Variants in EYS observed in about 807,000 individuals in gnomAD.
EYS encodes the protein protein eyes shut homolog.
In EYS, 250 loss-of-function variants were observed where a neutral mutation model predicts 282.1. The ratio of observed to expected loss-of-function variants is 0.89; its 90% CI spans 0.80 to 0.98. The LOEUF is 0.98. EYS is among the 50% of genes least tolerant of loss of function. EYS has a pLI of 0.00. For missense variants in EYS, 4,016 were observed against 3,709.0 expected (o/e 1.08, Z -2.15); for synonymous variants, 1,355 against 1,282.9 (o/e 1.06, Z -1.20).
intron 22 of EYS, among the ~76,000 whole-genome samples, chr6:64,676,018 A>T (rs1769653919): frequency 6.7e-6 from 1 of 149,528 alleles, no homozygotes; most frequent in African/African-American, 2.4e-5. Flanking sequence ...CTAGATATAT[A>T]TCGATAGATA....
intron 40 of EYS, 123 bp downstream of exon 40, chr6:63,777,883 A>G (rs754374515): frequency 2.6e-5 from 25 of 949,920 alleles, no homozygotes; most frequent in Non-Finnish European, 4.0e-5. Context: ...AAGTCTACAT[A>G]AGAACATTTT....
chr6:64,440,620 G>A lies in EYS; in HGVS notation c.5645-1268C>T, dbSNP rs577762408. ...GACGTATTTTTTTTCCCCATGTAGC[G>A]TTTCAATGGTGATGTTAAAAGCATA... On this transcript the variant is annotated intron_variant, in intron 26 of 42. Transcript: ENST00000503581. 5.9e-5 allele frequency among the ~76,000 whole-genome samples: 9 copies of A among 151,880 alleles called. No homozygotes were observed. In the East Asian group the frequency reaches 9.7e-4, roughly 16 times the overall value.
chr6:64,296,256 A>C (rs1768981580), intron 30 of EYS, among the ~76,000 whole-genome samples: 1 of 152,162 alleles, frequency 6.6e-6, no homozygotes, highest in Admixed American at 6.5e-5. Flanking sequence ...TACTTCAGCA[A>C]AATAATTACA....
In EYS at chr6:65,621,359, G is replaced by A. The variant is rs184259656; in HGVS notation, c.-333+18419C>T. Among the ~76,000 whole-genome samples the A allele has an allele frequency of 6.3e-4, 96 of 151,844 alleles. 3 individuals carry two copies. The East Asian group carries it at 0.014, about 21-fold the overall frequency. On this transcript the variant is annotated intron_variant, in intron 2 of 42. Transcript: ENST00000503581. ...TGTTGGTTTAAAGTCTGTTTTAGCA[G>A]AGACTAGGATTGCAACCCCTGCCTT... is the stretch of plus-strand genomic sequence containing the variant.
intron 34 of EYS, among the ~76,000 whole-genome samples, chr6:63,985,978 G>A (rs932552982): frequency 4.0e-5 from 6 of 151,802 alleles, no homozygotes; most frequent in Non-Finnish European, 5.9e-5. Context: ...TGTCAGCAGA[G>A]TAAATAGACA....
At chr6:64,287,710 A>G (rs1447915242) in intron 30 of EYS, among the ~76,000 whole-genome samples, 1 of 152,168 alleles carries the variant, frequency 6.6e-6, no homozygotes, top group African/African-American at 2.4e-5. Context: ...CATTTTATTT[A>G]AAAGAAGCAA....
chr6:63,876,671 A>T lies in EYS; in HGVS notation c.7056-12313T>A, dbSNP rs1356110078. Among the ~76,000 whole-genome samples, 4 of 151,812 alleles carry T rather than the reference A, an allele frequency of 2.6e-5. No homozygotes were observed. In the South Asian group the frequency reaches 6.2e-4, roughly 24 times the overall value. On this transcript the variant is annotated intron_variant, in intron 35 of 42. Transcript: ENST00000503581. The stretch of plus-strand genomic sequence containing the variant: ...GGGTGCTCCTGTATTGGGTGCATAT[A>T]TTAGGATAGTTAGCTTTTCCTGTTG...
chr6:64,225,169 A>G (rs1366063122), intron 31 of EYS, among the ~76,000 whole-genome samples: 2 of 152,062 alleles, frequency 1.3e-5, no homozygotes, highest in African/African-American at 2.4e-5. Context: ...TACATTTTCT[A>G]AGCTGATTTC....
At chr6:65,184,502 C>T (rs1319314062) in intron 12 of EYS, among the ~76,000 whole-genome samples, 1 of 151,504 alleles carries the variant, frequency 6.6e-6, no homozygotes, top group Non-Finnish European at 1.5e-5. Context: ...AACAAACATT[C>T]AAACCATAGC....
intron 31 of EYS, among the ~76,000 whole-genome samples, chr6:64,218,967 C>T (rs1766012791): frequency 6.6e-6 from 1 of 152,082 alleles, no homozygotes; most frequent in African/African-American, 2.4e-5. Context: ...AAACAGCAGG[C>T]ATGTACTTCC....
chr6:64,285,746 C>A lies in EYS; in HGVS notation c.6191+21224G>T, dbSNP rs9451257. Among the ~76,000 whole-genome samples the A allele has an allele frequency of 1.9e-3, 296 of 152,072 alleles. 3 individuals carry two copies. In the South Asian group the frequency reaches 0.02, roughly 10 times the overall value. ...ACAATCATAATGGGAGGTGAAAGCC[C>A]ATTACATGGTGGTGACAATAGAAAA... On this transcript the variant is annotated intron_variant, in intron 30 of 42. Coordinates refer to ENST00000503581, the MANE Select transcript of EYS (RefSeq NM_001142800.2).
intron 31 of EYS, among the ~76,000 whole-genome samples, chr6:64,226,391 G>A (rs750554368): frequency 2.0e-5 from 3 of 151,884 alleles, no homozygotes; most frequent in Non-Finnish European, 4.4e-5. Context: ...GTTAATGTAC[G>A]GCATTTAAAT....
At chr6:64,413,390 G>A (rs1773967050) in intron 28 of EYS, among the ~76,000 whole-genome samples, 1 of 152,048 alleles carries the variant, frequency 6.6e-6, no homozygotes, top group Admixed American at 6.6e-5. Flanking sequence ...ATTAAACTCT[G>A]TTTAAGCCCT....
intron 31 of EYS, among the ~76,000 whole-genome samples, chr6:64,207,904 T>G (rs1035355792): frequency 6.6e-6 from 1 of 152,098 alleles, no homozygotes; most frequent in Admixed American, 6.6e-5. Flanking sequence ...TGTGATCTGC[T>G]TGCCTTGACC....
intron 40 of EYS, among the ~76,000 whole-genome samples, chr6:63,765,837 C>T (rs1769775561): frequency 6.6e-6 from 1 of 151,998 alleles, no homozygotes; most frequent in Admixed American, 6.6e-5. Context: ...CTTCTGCTCT[C>T]TATCTCCATG....
chr6:64,497,985 A>G (rs1393924627), intron 26 of EYS, among the ~76,000 whole-genome samples: 1 of 152,140 alleles, frequency 6.6e-6, no homozygotes, highest in African/African-American at 2.4e-5. Flanking sequence ...AACCAAACAC[A>G]CCAAGTTTTC....
intron 7 of EYS, among the ~76,000 whole-genome samples, chr6:65,385,668 A>C (rs1473369220): frequency 6.6e-6 from 1 of 151,888 alleles, no homozygotes; most frequent in African/African-American, 2.4e-5. Flanking sequence ...ATTACTTACA[A>C]ATTTTACAGT....
At chr6:65,671,180 G>A (rs142306850) in intron 1 of EYS, among the ~76,000 whole-genome samples, 38 of 151,756 alleles carry the variant, frequency 2.5e-4, no homozygotes, top group Middle Eastern at 3.4e-3. Context: ...AATTGCAAAT[G>A]CCAGATGGTA....
chr6:64,474,676 C>G lies in EYS; in HGVS notation c.5645-35324G>C, dbSNP rs145223531. Among the ~76,000 whole-genome samples, 14 of 152,236 alleles carry G rather than the reference C, an allele frequency of 9.2e-5. 1 individual carries two copies. In the East Asian group the frequency reaches 2.7e-3, roughly 29 times the overall value. ...CATGTACAGTAGACTGTTTCACAAA[C>G]CTGCATCAGAAGAAGGTCTTTGTTA... On this transcript the variant is annotated intron_variant, in intron 26 of 42. Coordinates refer to ENST00000503581, the MANE Select transcript of EYS (RefSeq NM_001142800.2).
Sources: gnomAD v4.1 joint callset for allele counts (sites outside exome capture counted in the v4.1 genomes callset) on GRCh38, gnomAD v4.1.1 for gene constraint, MANE v1.5 for transcripts, NCBI Gene and HGNC (gene_info 2026-07-23, HGNC 2026-07-21) for gene names.